KCNN2: variants seen among roughly 807,000 people sequenced by gnomAD.
KCNN2 encodes potassium calcium-activated channel subfamily N member 2.
In KCNN2, 24 loss-of-function variants were observed where a neutral mutation model predicts 55.5. The observed-to-expected ratio is 0.43, with a 90% CI of 0.31 to 0.61. KCNN2 has a LOEUF of 0.61. KCNN2 is among the 20% of genes least tolerant of loss of function. The probability of loss-of-function intolerance (pLI) is 0.08; values close to 1 mark genes in which losing one functional copy is unlikely to be tolerated. For synonymous variants in KCNN2, 431 were observed against 336.1 expected (o/e 1.28, Z -3.09); for missense variants, 754 against 853.6 (o/e 0.88, Z 1.45).
chr5:114,102,459 T>C (rs1019463075), intron 1 of KCNN2, among the ~76,000 whole-genome samples: 13 of 152,222 alleles, frequency 8.5e-5, no homozygotes, highest in African/African-American at 2.7e-4. Flanking sequence ...CTTTTGTCAA[T>C]TTTGGCTTTT....
intron 2 of KCNN2, among the ~76,000 whole-genome samples, chr5:114,377,672 A>T (rs1304254231): frequency 1.2e-4 from 18 of 152,064 alleles, no homozygotes; most frequent in Admixed American, 9.2e-4. Flanking sequence ...TCAGTGAAGA[A>T]CTTTGGCTCT....
At chr5:114,095,264 A>G (rs952322002) in intron 1 of KCNN2, among the ~76,000 whole-genome samples, 5 of 152,230 alleles carry the variant, frequency 3.3e-5, no homozygotes, top group African/African-American at 1.2e-4. Flanking sequence ...ATACCTGCTT[A>G]ATAATAATAA....
chr5:114,483,373 C>A (rs138647654), intron 5 of KCNN2, among the ~76,000 whole-genome samples: 1 of 148,338 alleles, frequency 6.7e-6, no homozygotes, highest in African/African-American at 2.5e-5. Context: ...CTCCTGGGTT[C>A]AAGCGATTCT....
At chr5:114,134,063 G>C (rs898699685) in intron 1 of KCNN2, among the ~76,000 whole-genome samples, 1 of 152,062 alleles carries the variant, frequency 6.6e-6, no homozygotes, top group African/African-American at 2.4e-5. Context: ...CATGGCAACT[G>C]GGCCACGGGT....
intron 1 of KCNN2, among the ~76,000 whole-genome samples, chr5:114,162,787 A>C (rs1336162056): frequency 6.6e-6 from 1 of 152,166 alleles, no homozygotes; most frequent in East Asian, 1.9e-4. Flanking sequence ...CTTTGGGCAC[A>C]GGACCCTCCG....
intron 1 of KCNN2, among the ~76,000 whole-genome samples, chr5:114,094,193 G>A (rs1403725461): frequency 6.6e-6 from 1 of 152,038 alleles, no homozygotes; most frequent in Non-Finnish European, 1.5e-5. Flanking sequence ...TTGCACCCTA[G>A]CAGATGGATA....
At chr5:114,174,344 A>G (rs571852349) in intron 1 of KCNN2, among the ~76,000 whole-genome samples, 12 of 152,234 alleles carry the variant, frequency 7.9e-5, no homozygotes, top group African/African-American at 2.2e-4. Context: ...CTTTCTGACT[A>G]AGCAGTGACA....
chr5:114,337,924 C>A (rs1756949007), intron 2 of KCNN2, among the ~76,000 whole-genome samples: 1 of 152,060 alleles, frequency 6.6e-6, no homozygotes, highest in African/African-American at 2.4e-5. Flanking sequence ...TGGATTGTAC[C>A]TTTAATAAAG....
At chr5:114,341,032 A>G (rs1421826319) in intron 2 of KCNN2, among the ~76,000 whole-genome samples, 1 of 152,192 alleles carries the variant, frequency 6.6e-6, no homozygotes, top group East Asian at 1.9e-4. Flanking sequence ...TTAAAGGGTG[A>G]ATATAATATT....
chr5:114,475,612 C>T (rs373650512), intron 5 of KCNN2, among the ~76,000 whole-genome samples: 9 of 152,306 alleles, frequency 5.9e-5, no homozygotes, highest in Admixed American at 4.6e-4. Context: ...TAAAGAATCA[C>T]ATTCGAGTAT....
chr5:114,379,826 G>A (rs1229604217), intron 2 of KCNN2, among the ~76,000 whole-genome samples: 1 of 139,810 alleles, frequency 7.2e-6, no homozygotes, highest in African/African-American at 2.7e-5. Flanking sequence ...TATATTTATA[G>A]AATATATTAT....
intron 1 of KCNN2, among the ~76,000 whole-genome samples, chr5:114,063,529 G>C (rs983503478): frequency 1.3e-5 from 2 of 152,048 alleles, no homozygotes; most frequent in Admixed American, 6.6e-5. Flanking sequence ...TCTAACAAAG[G>C]CTCCCAGGTG....
chr5:114,470,004 G>T, intron 4 of KCNN2, among the ~76,000 whole-genome samples: 1 of 152,124 alleles, frequency 6.6e-6, no homozygotes, highest in East Asian at 1.9e-4. Context: ...GAGGTATATA[G>T]ATAATAGTTT....
chr5:114,132,382 T>C (rs1752088719), intron 1 of KCNN2, among the ~76,000 whole-genome samples: 1 of 152,164 alleles, frequency 6.6e-6, no homozygotes, highest in Admixed American at 6.5e-5. Flanking sequence ...ATTTATGAAA[T>C]AGGAACTCAT....
At chr5:114,099,994 A>G (rs1040582743) in intron 1 of KCNN2, among the ~76,000 whole-genome samples, 2 of 152,040 alleles carry the variant, frequency 1.3e-5, no homozygotes, top group Middle Eastern at 3.2e-3. Context: ...ACAAATTACA[A>G]TCTATCATGT....
chr5:114,454,297 TC>T, intron 3 of KCNN2, among the ~76,000 whole-genome samples: 1 of 152,260 alleles, frequency 6.6e-6, no homozygotes, highest in East Asian at 1.9e-4. Flanking sequence ...TCTTTCTTCC[TC>T]CCTCCTTTTT....
intron 2 of KCNN2, among the ~76,000 whole-genome samples, chr5:114,310,196 G>C: frequency 6.6e-6 from 1 of 152,006 alleles, no homozygotes; most frequent in East Asian, 1.9e-4. Context: ...GTGCCCTTCT[G>C]TGTTTGCATA....
intron 2 of KCNN2, among the ~76,000 whole-genome samples, chr5:114,342,200 C>T (rs939454104): frequency 7.8e-6 from 1 of 127,914 alleles, no homozygotes; most frequent in African/African-American, 2.7e-5. Flanking sequence ...TGTGCCCGGC[C>T]CATAATTTTT....
At chr5:114,161,347 T>C (rs1752776316) in intron 1 of KCNN2, among the ~76,000 whole-genome samples, 2 of 142,536 alleles carry the variant, frequency 1.4e-5, no homozygotes, top group Non-Finnish European at 3.0e-5. Context: ...TCTCCTGGCT[T>C]GTAGAGTTTC....
Sources: gnomAD v4.1 joint callset for allele counts (sites outside exome capture counted in the v4.1 genomes callset) on GRCh38, gnomAD v4.1.1 for gene constraint, MANE v1.5 for transcripts, NCBI Gene and HGNC (gene_info 2026-07-23, HGNC 2026-07-21) for gene names.